The following DNMT3B variants were observed in gnomAD, a reference collection of about 807,000 sequenced individuals.
DNMT3B encodes the protein DNA methyltransferase 3 beta, also known as DNA (cytosine-5)-methyltransferase 3B.
In DNMT3B, 37 loss-of-function variants were observed where a neutral mutation model predicts 120.2. The ratio of observed to expected loss-of-function variants is 0.31; its 90% CI spans 0.24 to 0.40. The LOEUF (loss-of-function observed/expected upper bound fraction) is 0.40. Ranked by LOEUF, DNMT3B falls within the 10% of genes least tolerant of loss-of-function variation. The pLI is 1.00. For synonymous variants in DNMT3B, 412 were observed against 442.8 expected (o/e 0.93, Z 0.87); for missense variants, 878 against 1,137.3 (o/e 0.77, Z 3.28).
intron 14 of DNMT3B, among the ~76,000 whole-genome samples, chr20:32,798,020 T>C (rs572921029): frequency 1.5e-3 from 233 of 152,078 alleles, no homozygotes; most frequent in African/African-American, 5.3e-3. Flanking sequence ...CTGCCTCGGC[T>C]GGTCTCAAAT....
chr20:32,765,922 A>AT (rs906388927), intron 1 of DNMT3B, among the ~76,000 whole-genome samples: 15 of 150,672 alleles, frequency 1.0e-4, no homozygotes, highest in African/African-American at 3.4e-4. Context: ...TGCCTGGCTA[A>AT]TTTTTTTTGT....
In DNMT3B at chr20:32,795,884, A is replaced by G. The variant is rs2424919; in HGVS notation, c.1297+190A>G. 1.8e-4 allele frequency among the ~76,000 whole-genome samples: 28 copies of G among 152,166 alleles called. 1 individual carries two copies. Among genetic ancestry groups the G allele is most frequent in the Non-Finnish European group, 1.5e-5 (1 of 68,030 alleles). ...GAATGAGTTGCCAATTGTGCCCCTT[A>G]AGAGAAAGGTACAGGAAGGGTATGG... is the stretch of plus-strand genomic sequence containing the variant. On this transcript the variant is annotated intron_variant, in intron 12 of 22. Coordinates refer to ENST00000328111, the MANE Select transcript of DNMT3B (RefSeq NM_006892.4).
chr20:32,802,437 G>T lies in DNMT3B; in HGVS notation c.2198G>T (p.Arg733Leu). ...AAAGTTTCTGCTGCTCACAGGGCCC[G>T]ATACTTCTGGGGCAACCTACCCGGG... Reference protein sequence around the residue: ...AIKVSAAHRARYFWGNLPGMN... With the variant: ...AIKVSAAHRALYFWGNLPGMN... Residue 733 changes from arginine to leucine, a missense_variant, in exon 20 of 23, where the codon CGA becomes CTA. Arg to Leu is a moderately radical substitution (Grantham distance 102). This residue lies in a region of DNMT3B where 334 missense variants were observed against 518.8 expected (regional missense o/e 0.64). Transcript: ENST00000328111. 6.2e-7 allele frequency: 1 copy of T among 1,614,184 alleles called. No homozygotes were observed. The highest frequency in any genetic ancestry group is 1.1e-5 in the South Asian group (1 of 91,088).
chr20:32,764,037 GGTACTTA>G (rs1987145389), intron 1 of DNMT3B, among the ~76,000 whole-genome samples: 1 of 152,050 alleles, frequency 6.6e-6, no homozygotes, highest in Admixed American at 6.6e-5. Flanking sequence ...TTGAGATGAT[GGTACTTA>G]GTTTATAGGG....
chr20:32,801,501 G>T, intron 19 of DNMT3B, 75 bp downstream of exon 19: 3 of 1,592,160 alleles, frequency 1.9e-6, no homozygotes, highest in Non-Finnish European at 2.6e-6. Flanking sequence ...ATGATTGGTG[G>T]GTGTTGCCAA....
chr20:32,792,811 G>C, intron 9 of DNMT3B, 41 bp downstream of exon 9: 5 of 1,612,924 alleles, frequency 3.1e-6, no homozygotes, highest in Non-Finnish European at 4.2e-6. Context: ...TGCCTCTGCT[G>C]GTGGGACCAC....
chr20:32,792,117 AT>A (rs892148992), intron 8 of DNMT3B, among the ~76,000 whole-genome samples: 5 of 151,740 alleles, frequency 3.3e-5, no homozygotes, highest in East Asian at 1.9e-4. Flanking sequence ...CTTCACCTTG[AT>A]TTTTTCCCCC....
chr20:32,785,464 G>T (rs979236635), intron 4 of DNMT3B, among the ~76,000 whole-genome samples: 1 of 152,132 alleles, frequency 6.6e-6, no homozygotes, highest in African/African-American at 2.4e-5. Flanking sequence ...ATGACCTAGG[G>T]AGTCCACCAT....
At chr20:32,800,459 T>C (rs1981191881) in intron 17 of DNMT3B, among the ~76,000 whole-genome samples, 161 bp downstream of exon 17, 1 of 151,846 alleles carries the variant, frequency 6.6e-6, no homozygotes, top group Admixed American at 6.6e-5. Flanking sequence ...AGAAGTGGAG[T>C]TGGTGACCAA....
In DNMT3B at chr20:32,808,839, C is replaced by T. The variant is rs1159278627; in HGVS notation, c.*936C>T. ...CCTACCCTCCACAGGCACAGGTCCC[C>T]AGATGAGAAGTCTGCTACCCTCATT... On this transcript the variant is annotated 3_prime_UTR_variant, in exon 23 of 23. Coordinates refer to ENST00000328111, the MANE Select transcript of DNMT3B (RefSeq NM_006892.4). The T allele has an allele frequency of 1.8e-5, 4 of 227,472 alleles. No homozygotes were observed. The highest frequency in any genetic ancestry group is 8.9e-5 in the African/African-American group (4 of 44,974). The allele number at this position is 227,472 out of a possible 1,614,324, so 14.1% of individuals were successfully genotyped here.
intron 1 of DNMT3B, among the ~76,000 whole-genome samples, chr20:32,765,758 C>CTT (rs532836566): frequency 7.4e-5 from 5 of 67,124 alleles, no homozygotes; most frequent in African/African-American, 2.1e-4. Context: ...TTCTTTTTTT[C>CTT]TTTTTTTTTT....
At chr20:32,801,012 T>C (rs2069814269) in intron 18 of DNMT3B, 87 bp downstream of exon 18, 2 of 1,514,150 alleles carry the variant, frequency 1.3e-6, no homozygotes, top group Admixed American at 3.4e-5. Context: ...AGGAGCCACT[T>C]GCTTCTGGCC....
rs181619501 is a variant in DNMT3B at position 32,792,402 on chromosome 20, T to C, written c.922-224T>C. ...ATTCCCTAGGGGGAAGAGATCCTAT[T>C]TGGTGCCTGCATGAAAAGATTTAAC... On this transcript the variant is annotated intron_variant, in intron 8 of 22. Transcript: ENST00000328111. Among the ~76,000 whole-genome samples, 447 of 152,262 alleles carry C rather than the reference T, an allele frequency of 2.9e-3. 5 individuals carry two copies. Among genetic ancestry groups the C allele is most frequent in the Admixed American group, 4.1e-3 (63 of 15,300 alleles).
intron 1 of DNMT3B, among the ~76,000 whole-genome samples, chr20:32,777,616 C>A (rs1056626437): frequency 6.6e-6 from 1 of 152,190 alleles, no homozygotes; most frequent in Non-Finnish European, 1.5e-5. Context: ...CCTGGAGACA[C>A]CAGGTACACC....
At chr20:32,765,750 CTTTT>C (rs1208508674) in intron 1 of DNMT3B, among the ~76,000 whole-genome samples, 1 of 108,440 alleles carries the variant, frequency 9.2e-6, no homozygotes, top group Non-Finnish European at 1.7e-5. Flanking sequence ...TTTATTTTTT[CTTTT>C]TTTCTTTTTT....
intron 1 of DNMT3B, among the ~76,000 whole-genome samples, chr20:32,770,464 GGTTT>G (rs1568820408): frequency 6.7e-6 from 1 of 148,804 alleles, no homozygotes; most frequent in Non-Finnish European, 1.5e-5. Flanking sequence ...AATTTTTGTT[GGTTT>G]GTTTGTTGTT....
At chr20:32,795,076 T>G (rs1980445863) in intron 10 of DNMT3B, among the ~76,000 whole-genome samples, 1 of 152,244 alleles carries the variant, frequency 6.6e-6, no homozygotes, top group Non-Finnish European at 1.5e-5. Context: ...CCACCCCCTA[T>G]GCCTACTGCC....
chr20:32,766,964 C>T (rs138474128), intron 1 of DNMT3B, among the ~76,000 whole-genome samples: 1 of 152,176 alleles, frequency 6.6e-6, no homozygotes, highest in East Asian at 1.9e-4. Context: ...GGTCTCGGCT[C>T]ACTGCAACCT....
rs375171362 is a variant in DNMT3B at position 32,780,366 on chromosome 20, G to A, written c.43G>A (p.Gly15Ser). Residue 15 changes from glycine to serine, a missense_variant, in exon 2 of 23, where the codon GGC (glycine) becomes AGC (serine). Physicochemically the swap from Gly to Ser is moderately conservative, Grantham distance 56. Coordinates refer to ENST00000328111, the MANE Select transcript of DNMT3B (RefSeq NM_006892.4). ...TRHLNGEEDA[G>S]GREDSILVNG... ...GCATCTCAATGGAGAGGAGGACGCC[G>A]GCGGGAGGGAAGACTCGATCCTCGT... 6.8e-6 allele frequency: 11 copies of A among 1,613,914 alleles called. No individual in the cohort carries two copies. Among genetic ancestry groups the A allele is most frequent in the African/African-American group, 2.7e-5 (2 of 74,902 alleles).
Sources: gnomAD v4.1 joint callset for allele counts (sites outside exome capture counted in the v4.1 genomes callset) on GRCh38, gnomAD v4.1.1 for gene constraint, gnomAD v4.1.1 regional missense constraint, MANE v1.5 for transcripts, NCBI Gene and HGNC (gene_info 2026-07-23, HGNC 2026-07-21) for gene names.